NEGR1: variants seen among roughly 807,000 people sequenced by gnomAD.
NEGR1 encodes neuronal growth regulator 1.
NEGR1 carries 10 observed loss-of-function variants against 40.9 expected under a neutral mutation model. That is an observed-to-expected ratio of 0.24 (90% CI 0.15 to 0.42). The LOEUF (loss-of-function observed/expected upper bound fraction) is 0.42. Among genes scored for constraint, NEGR1 ranks in the 10% least tolerant of loss-of-function variants. The pLI is 1.00. For missense variants in NEGR1, 352 were observed against 438.9 expected, an observed-to-expected ratio of 0.80 and a Z score of 1.77; for synonymous variants, 185 against 166.8, an observed-to-expected ratio of 1.11 and a Z score of -0.84.
intron 1 of NEGR1, among the ~76,000 whole-genome samples, chr1:72,199,150 C>CAGAGAGAG (rs34602311): frequency 9.5e-5 from 11 of 115,262 alleles, no homozygotes; most frequent in Admixed American, 3.6e-4. Flanking sequence ...GATAGACAGA[C>CAGAGAGAG]AGAGAGAGAG....
intron 1 of NEGR1, among the ~76,000 whole-genome samples, chr1:71,975,315 T>C (rs780786036): frequency 2.6e-5 from 4 of 152,190 alleles, no homozygotes; most frequent in Non-Finnish European, 4.4e-5. Context: ...TTATATTTAT[T>C]TCCCCATCTT....
chr1:72,050,753 T>C (rs1469718177), intron 1 of NEGR1, among the ~76,000 whole-genome samples: 1 of 151,522 alleles, frequency 6.6e-6, no homozygotes, highest in African/African-American at 2.4e-5. Flanking sequence ...AGGAAATGAC[T>C]ACATGTGACT....
At chr1:71,923,710 C>T (rs1645741862) in intron 2 of NEGR1, among the ~76,000 whole-genome samples, 1 of 152,044 alleles carries the variant, frequency 6.6e-6, no homozygotes, top group South Asian at 2.1e-4. Flanking sequence ...AAAGTCTATC[C>T]ATATTCCTTG....
intron 1 of NEGR1, among the ~76,000 whole-genome samples, chr1:71,988,923 TAAAAAAA>T (rs10604833): frequency 7.4e-4 from 61 of 82,226 alleles, no homozygotes; most frequent in Middle Eastern, 8.9e-3. Context: ...TATTGGATGT[TAAAAAAA>T]AAAAAAAAAA....
Position 71,548,610 on chromosome 1 carries a change from T to C in NEGR1, c.940+44207A>G, listed in dbSNP as rs1468884914. Among the ~76,000 whole-genome samples the C allele has an allele frequency of 4.6e-5, 7 of 151,842 alleles. No individual in the cohort carries two copies. In the South Asian group the frequency reaches 8.3e-4, roughly 18 times the overall value. ...TCATGTGTCAAGATGTTGTTGATTC[T>C]AGTGATGGCAACGTTTCATCTCATA... On this transcript the variant is annotated intron_variant, in intron 6 of 6. Coordinates refer to ENST00000357731, the MANE Select transcript of NEGR1 (RefSeq NM_173808.3).
rs567961461 is a variant in NEGR1 at position 72,251,774 on chromosome 1, C to T, written c.176+30545G>A. Among the ~76,000 whole-genome samples, 3 of 152,162 alleles carry T rather than the reference C, an allele frequency of 2.0e-5. No homozygotes were observed. The South Asian group carries it at 6.2e-4, about 32-fold the overall frequency. Reference sequence around the variant, plus strand: ...AGGAACCCACAAAGGACTGATTGTACACATTATTTTGTTTGATTTCATTAT... The same window carrying T: ...AGGAACCCACAAAGGACTGATTGTATACATTATTTTGTTTGATTTCATTAT... On this transcript the variant is annotated intron_variant, in intron 1 of 6. Transcript: ENST00000357731.
chr1:71,867,153 G>C (rs1173572194), intron 2 of NEGR1, among the ~76,000 whole-genome samples: 1 of 152,124 alleles, frequency 6.6e-6, no homozygotes, highest in Non-Finnish European at 1.5e-5. Context: ...AGGAGTTTGA[G>C]ACTTGAGGTC....
At chr1:71,663,311 G>A (rs1330201673) in intron 4 of NEGR1, among the ~76,000 whole-genome samples, 1 of 151,816 alleles carries the variant, frequency 6.6e-6, no homozygotes, top group Non-Finnish European at 1.5e-5. Flanking sequence ...GCATATTATT[G>A]CAGCTTCTAC....
intron 6 of NEGR1, among the ~76,000 whole-genome samples, chr1:71,576,792 G>A (rs1051413553): frequency 6.6e-6 from 1 of 152,208 alleles, no homozygotes. Context: ...AGGAGGAGAT[G>A]AGACCTTTTC....
intron 1 of NEGR1, among the ~76,000 whole-genome samples, chr1:72,070,923 C>A (rs150740275): frequency 2.6e-5 from 4 of 151,948 alleles, no homozygotes; most frequent in African/African-American, 9.6e-5. Flanking sequence ...ATGTTTTTTT[C>A]ATTTTATGTA....
chr1:72,026,371 A>AC (rs1202199268), intron 1 of NEGR1, among the ~76,000 whole-genome samples: 1 of 138,910 alleles, frequency 7.2e-6, no homozygotes, highest in Non-Finnish European at 1.5e-5. Flanking sequence ...CTTCCAAGCT[A>AC]CCTTTTTTTT....
chr1:71,771,049 C>A (rs921292182), intron 3 of NEGR1, among the ~76,000 whole-genome samples: 17 of 152,116 alleles, frequency 1.1e-4, no homozygotes, highest in Non-Finnish European at 1.0e-4. Context: ...TTGGAACCAA[C>A]CCAAATGCCC....
At chr1:71,835,956 A>G (rs1457523238) in intron 2 of NEGR1, among the ~76,000 whole-genome samples, 1 of 152,040 alleles carries the variant, frequency 6.6e-6, no homozygotes, top group Non-Finnish European at 1.5e-5. Context: ...TTTATATTTA[A>G]GTAATTAATT....
intron 1 of NEGR1, chr1:72,274,716 A>T (rs980771443): frequency 9.8e-7 from 1 of 1,023,596 alleles, no homozygotes; most frequent in African/African-American, 1.6e-5. Context: ...TGCAGAATGG[A>T]AAAGTAATTG....
intron 6 of NEGR1, among the ~76,000 whole-genome samples, chr1:71,572,017 G>A (rs1361052229): frequency 6.6e-6 from 1 of 152,012 alleles, no homozygotes; most frequent in Non-Finnish European, 1.5e-5. Flanking sequence ...ACCATATTTA[G>A]GCCATATTTT....
intron 6 of NEGR1, among the ~76,000 whole-genome samples, chr1:71,510,577 T>C (rs867356141): frequency 2.4e-4 from 37 of 152,096 alleles, no homozygotes; most frequent in Admixed American, 2.2e-3. Flanking sequence ...AGTTTCATTA[T>C]TGGGAAATTG....
At chr1:71,796,609 A>G (rs1657337201) in intron 2 of NEGR1, among the ~76,000 whole-genome samples, 1 of 152,082 alleles carries the variant, frequency 6.6e-6, no homozygotes, top group Non-Finnish European at 1.5e-5. Flanking sequence ...ACATACAATT[A>G]AGTGAAATAA....
At chr1:72,135,423 A>C (rs967574498) in intron 1 of NEGR1, among the ~76,000 whole-genome samples, 52 of 6,950 alleles carry the variant, frequency 7.5e-3, no homozygotes, top group Middle Eastern at 0.12. Context: ...AAACAAAACC[A>C]AAAAAAAAAA....
chr1:72,015,934 A>G (rs1276429898), intron 1 of NEGR1, among the ~76,000 whole-genome samples: 2 of 152,170 alleles, frequency 1.3e-5, no homozygotes, highest in African/African-American at 4.8e-5. Context: ...CCTAAACATG[A>G]ACGCAAATCT....
Sources: gnomAD v4.1 joint callset for allele counts (sites outside exome capture counted in the v4.1 genomes callset) on GRCh38, gnomAD v4.1.1 for gene constraint, MANE v1.5 for transcripts, NCBI Gene and HGNC (gene_info 2026-07-23, HGNC 2026-07-21) for gene names.